MLXIP: variants seen among roughly 807,000 people sequenced by gnomAD.
The protein encoded by MLXIP is MLX-interacting protein.
In MLXIP, 30 loss-of-function variants were observed where a neutral mutation model predicts 87.2. The observed-to-expected ratio is 0.34, with a 90% confidence interval of 0.26 to 0.47. The LOEUF is 0.47. Among genes scored for constraint, MLXIP ranks in the 20% least tolerant of loss-of-function variants. MLXIP has a pLI of 1.00. For synonymous variants in MLXIP, 530 were observed against 514.0 expected (o/e 1.03, Z -0.42); for missense variants, 1,002 against 1,240.1 (o/e 0.81, Z 2.88).
Position 122,102,411 on chromosome 12 carries a change from G to GT in MLXIP, c.413+23146dup, listed in dbSNP as rs577518948. On this transcript the variant is annotated intron_variant, in intron 1 of 16. Coordinates refer to ENST00000319080, the MANE Select transcript of MLXIP (RefSeq NM_014938.6). Reference sequence around the variant, plus strand: ...AGAGGCTACTTCACAGCATTAGCCTGTGGAAAGTGTGGGAGAGCATCGAGA... The same window carrying GT: ...AGAGGCTACTTCACAGCATTAGCCTGTTGGAAAGTGTGGGAGAGCATCGAGA... 4.8e-3 allele frequency among the ~76,000 whole-genome samples: 728 copies of GT among 152,280 alleles called. 6 individuals are homozygous for GT. The highest frequency in any genetic ancestry group is 0.016 in the African/African-American group (682 of 41,560).
chr12:122,113,681 CTTTTTT>C (rs1173711241), intron 1 of MLXIP, among the ~76,000 whole-genome samples: 1 of 100,702 alleles, frequency 9.9e-6, no homozygotes, highest in East Asian at 3.2e-4. Flanking sequence ...GCCTTCATTT[CTTTTTT>C]TTTTTTTTTT....
chr12:122,118,306 G>A (rs1467158342), intron 1 of MLXIP, among the ~76,000 whole-genome samples: 1 of 152,170 alleles, frequency 6.6e-6, no homozygotes, highest in Non-Finnish European at 1.5e-5. Flanking sequence ...TTCAGACAGC[G>A]GTTGATCATG....
rs751969422 is a variant in MLXIP at position 122,141,732 on chromosome 12, A to G, written c.2680A>G (p.Ile894Val). The change falls in exon 17 of 17, where the codon ATC becomes GTC. Residue 894 changes from isoleucine (I) to valine (V), a missense_variant. Ile to Val is a conservative substitution (Grantham distance 29). Transcript: ENST00000319080. ...TLRQLSTSTS[I>V]LTDPAQLPEQ... ...GCGGCAGCTGAGCACCTCCACCTCC[A>G]TCCTCACAGACCCGGCACAGCTGCC... 2 of 1,613,858 alleles carry G rather than the reference A, an allele frequency of 1.2e-6. No individual in the cohort carries two copies. The highest frequency in any genetic ancestry group is 1.1e-5 in the South Asian group (1 of 91,084).
At position 122,121,010 on chromosome 12, in the gene MLXIP, G is replaced by GTTTTTTTTTTTTTTTTTTTTTT. The variant is rs1233404015; in HGVS notation, c.414-6228_414-6227insTTTTTTTTTTTTTTTTTTTTTT. Among the ~76,000 whole-genome samples the GTTTTTTTTTTTTTTTTTTTTTT allele has an allele frequency of 1.4e-3, 161 of 111,864 alleles. 12 individuals carry two copies. Among genetic ancestry groups the GTTTTTTTTTTTTTTTTTTTTTT allele is most frequent in the Admixed American group, 3.7e-3 (36 of 9,860 alleles). The allele number at this position is 111,864 out of a possible 152,430, so 73.4% of individuals were successfully genotyped here. A position where few individuals can be genotyped will look rare whatever the true frequency, so the allele number is the denominator to read the frequency against. On this transcript the variant is annotated intron_variant, in intron 1 of 16. Coordinates refer to ENST00000319080, the MANE Select transcript of MLXIP (RefSeq NM_014938.6). The stretch of plus-strand genomic sequence containing the variant: ...AGCCCCAGAGCCCTCTGCATGCTTG[G>GTTTTTTTTTTTTTTTTTTTTTT]TTTTTTTTTTTTTTTTTTGAAACGG...
rs577476446 is a variant in MLXIP, at chr12:122,129,671, G to C, written c.738+42G>C. 3.8e-5 allele frequency: 61 copies of C among 1,607,570 alleles called. No individual in the cohort carries two copies. In the East Asian group the frequency reaches 1.3e-3, roughly 34 times the overall value. On this transcript the variant is annotated intron_variant, in intron 5 of 16. Coordinates refer to ENST00000319080, the MANE Select transcript of MLXIP (RefSeq NM_014938.6). The stretch of plus-strand genomic sequence containing the variant: ...GCTCTGAGGACCCCCACTTTGACAT[G>C]AGACAGCAGGGACTTCGGTGGCCCA...
chr12:122,121,012 T>TTTTTTTC (rs1267489238), intron 1 of MLXIP, among the ~76,000 whole-genome samples: 1 of 89,306 alleles, frequency 1.1e-5, no homozygotes, highest in Non-Finnish European at 2.7e-5. Context: ...CATGCTTGGT[T>TTTTTTTC]TTTTTTTTTT....
rs116966665 is a variant in MLXIP, at chr12:122,137,187, C to T, written c.2033-282C>T. ...ATAATAATAATAAAGAGCCCACCTG[C>T]GAAATATCTCGTAAAGCGACACCAG... On this transcript the variant is annotated intron_variant, in intron 11 of 16. Transcript: ENST00000319080. This position sits in a 1 kb window ranked among gnomAD's most constrained non-coding sequence, Gnocchi z 4.1. The T allele has an allele frequency of 6.1e-3, 1,561 of 254,970 alleles. 12 individuals are homozygous for T. The highest frequency in any genetic ancestry group is 9.2e-3 in the Non-Finnish European group (1,254 of 136,072). 15.8% of individuals were successfully genotyped at this position (254,970 alleles called of 1,614,324 possible).
rs187476028 is a variant in MLXIP, at chr12:122,142,004, G to A, written c.*192G>A. ...TGGGGCCTGCTGACAGCAATAGCCC[G>A]CCTTTGGGAACCCCTTGCTGTGAAC... On this transcript the variant is annotated 3_prime_UTR_variant, in exon 17 of 17. Transcript: ENST00000319080. 117 of 789,544 alleles carry A rather than the reference G, an allele frequency of 1.5e-4. 3 individuals are homozygous for A. The highest frequency in any genetic ancestry group is 7.5e-4 in the Middle Eastern group (2 of 2,672). 48.9% of individuals were successfully genotyped at this position (789,544 alleles called of 1,614,324 possible). A position where few individuals can be genotyped will look rare whatever the true frequency, so the allele number is the denominator to read the frequency against.
intron 1 of MLXIP, among the ~76,000 whole-genome samples, chr12:122,125,957 T>C (rs984108614): frequency 1.3e-5 from 2 of 152,210 alleles, no homozygotes; most frequent in Admixed American, 6.5e-5. Flanking sequence ...CTGTGAAGAC[T>C]GCAGCTACTG....
rs1328280774 is a variant in MLXIP at position 122,129,126 on chromosome 12, C to G, written c.607-11C>G. The G allele has an allele frequency of 6.2e-7, 1 of 1,600,930 alleles. No homozygotes were observed. Among genetic ancestry groups the G allele is most frequent in the East Asian group, 2.3e-5 (1 of 44,392 alleles). ...GCCCCCTCTTCACTCTGCTCTCTGT[C>G]CCTGTCCTAGGCCATCACCACGGAA... On this transcript the variant is annotated splice_polypyrimidine_tract_variant and intron_variant, in intron 3 of 16. Transcript: ENST00000319080.
At chr12:122,124,953 G>C (rs1180657739) in intron 1 of MLXIP, among the ~76,000 whole-genome samples, 2 of 152,228 alleles carry the variant, frequency 1.3e-5, no homozygotes, top group Non-Finnish European at 2.9e-5. Flanking sequence ...GATCAGCTGA[G>C]GTCAGGAGTT....
At chr12:122,108,678 G>A (rs1337369724) in intron 1 of MLXIP, among the ~76,000 whole-genome samples, 2 of 152,098 alleles carry the variant, frequency 1.3e-5, no homozygotes, top group African/African-American at 4.8e-5. Flanking sequence ...TCATTAGTCC[G>A]TGAGCTCCTG....
chr12:122,090,320 A>G (rs1297161428), intron 1 of MLXIP, among the ~76,000 whole-genome samples: 1 of 152,052 alleles, frequency 6.6e-6, no homozygotes, highest in Non-Finnish European at 1.5e-5. Context: ...ACATGGCGAA[A>G]CCCTGTCTCT....
intron 7 of MLXIP, 40 bp downstream of exon 7, chr12:122,130,973 TC>T: frequency 2.3e-6 from 3 of 1,307,900 alleles, no homozygotes; most frequent in Non-Finnish European, 3.3e-6. Flanking sequence ...TGCCTCCATC[TC>T]CCCCAGCCCA....
At position 122,135,862 on chromosome 12, in the gene MLXIP, G is replaced by C. The variant is rs1953081749; in HGVS notation, c.2032+196G>C. The C allele has an allele frequency of 2.9e-6, 2 of 680,294 alleles. No homozygotes were observed. Among genetic ancestry groups the C allele is most frequent in the Admixed American group, 3.6e-5 (1 of 27,628 alleles). The allele number at this position is 680,294 out of a possible 1,614,324, so 42.1% of individuals were successfully genotyped here. On this transcript the variant is annotated intron_variant, in intron 11 of 16. Transcript: ENST00000319080. The surrounding 1 kb of genome is among the most constrained non-coding windows in gnomAD (Gnocchi z 5.3). Reference sequence around the variant, plus strand: ...GGCAGGATGAAATGTGGTGGCACTGGCAGGGCAAAAAGTAGTGAACATGTG... The same window carrying C: ...GGCAGGATGAAATGTGGTGGCACTGCCAGGGCAAAAAGTAGTGAACATGTG...
rs1593110486 is a variant in MLXIP, at chr12:122,132,292, A to T, written c.1001A>T (p.Asp334Val). The T allele has an allele frequency of 6.2e-7, 1 of 1,608,734 alleles. No homozygotes were observed. The highest frequency in any genetic ancestry group is 8.5e-7 in the Non-Finnish European group (1 of 1,177,506). ...DFMDTFEPFQ[D>V]LFSSSRSIFG... ...GAAGACCCCTGCTGTTGTTTTTCAG[A>T]CCTCTTCTCTTCTAGCCGCTCCATT... Residue 334 changes from aspartate to valine, a missense_variant and splice_region_variant, in exon 8 of 17, where the codon GAC becomes GTC. By Grantham distance (152) the Asp-to-Val change is radical. Coordinates refer to ENST00000319080, the MANE Select transcript of MLXIP (RefSeq NM_014938.6).
At chr12:122,120,642 CAA>C (rs1366389699) in intron 1 of MLXIP, among the ~76,000 whole-genome samples, 5 of 152,138 alleles carry the variant, frequency 3.3e-5, no homozygotes, top group African/African-American at 1.2e-4. Context: ...AGATGGTGGC[CAA>C]AATATTACCT....
chr12:122,078,973 G>A lies in MLXIP; in HGVS notation c.120G>A (p.Pro40=), dbSNP rs1411688779. 1.8e-6 allele frequency: 2 copies of A among 1,086,930 alleles called. No homozygotes were observed. Among genetic ancestry groups the A allele is most frequent in the Non-Finnish European group, 2.2e-6 (2 of 891,856 alleles). The allele number at this position is 1,086,930 out of a possible 1,614,324, so 67.3% of individuals were successfully genotyped here. ...ACTCGGACACGGATGAGCCGTCCCC[G>A]CCGCCCGCCTCCGGCGCGGCCACCC... ...DDDSDTDEPS[P]PPASGAATPA... The change falls in exon 1 of 17, where the codon CCG becomes CCA. Residue 40 remains proline, a synonymous_variant. Transcript: ENST00000319080.
intron 1 of MLXIP, among the ~76,000 whole-genome samples, chr12:122,113,984 CT>C (rs141720091): frequency 0.02 from 2,131 of 108,678 alleles, 49 homozygotes; most frequent in African/African-American, 0.072. Flanking sequence ...TGCACCCGGC[CT>C]TTTTTTTTTT....
Sources: gnomAD v4.1 joint callset for allele counts (sites outside exome capture counted in the v4.1 genomes callset) on GRCh38, gnomAD v4.1.1 for gene constraint, Gnocchi (gnomAD v3.1) non-coding constraint, MANE v1.5 for transcripts, NCBI Gene and HGNC (gene_info 2026-07-23, HGNC 2026-07-21) for gene names.